GNG7: variants seen among roughly 807,000 people sequenced by gnomAD.
GNG7 encodes the protein G protein subunit gamma 7, also known as guanine nucleotide-binding protein G(I)/G(S)/G(O) subunit gamma-7.
In GNG7, 1 loss-of-function variant was observed where a neutral mutation model predicts 4.0. The ratio of observed to expected loss-of-function variants is 0.25; its 90% confidence interval spans 0.09 to 1.18. The LOEUF is 1.18. Ranked by LOEUF, GNG7 falls within the 50% of genes most tolerant of loss-of-function variation. The pLI is 0.50. For synonymous variants in GNG7, 34 were observed against 36.9 expected (o/e 0.92, Z 0.29); for missense variants, 86 against 91.9 (o/e 0.94, Z 0.26).
At chr19:2,676,861 G>C (rs1180714908) in intron 1 of GNG7, among the ~76,000 whole-genome samples, 1 of 152,144 alleles carries the variant, frequency 6.6e-6, no homozygotes, top group African/African-American at 2.4e-5. Context: ...GTGGCAGAGA[G>C]AAGCTGTTCA....
At chr19:2,619,233 G>A (rs1341740648) in intron 2 of GNG7, among the ~76,000 whole-genome samples, 1 of 152,216 alleles carries the variant, frequency 6.6e-6, no homozygotes, top group Non-Finnish European at 1.5e-5. Context: ...CCAGGGGTTA[G>A]CTAACTACGG....
intron 2 of GNG7, among the ~76,000 whole-genome samples, chr19:2,591,452 G>C (rs371048867): frequency 0.011 from 986 of 91,890 alleles, 6 homozygotes; most frequent in South Asian, 0.014. Flanking sequence ...GAAAATAAAG[G>C]GTTTTTTTTT....
intron 1 of GNG7, among the ~76,000 whole-genome samples, chr19:2,669,792 T>C (rs1983404031): frequency 6.6e-6 from 1 of 151,764 alleles, no homozygotes. Context: ...GGAGGATCAC[T>C]TGAGGCCAGG....
chr19:2,641,474 C>G (rs1410694404), intron 2 of GNG7, among the ~76,000 whole-genome samples: 4 of 151,588 alleles, frequency 2.6e-5, no homozygotes, highest in African/African-American at 4.9e-5. Context: ...CAAACAGAGA[C>G]TGGAAGAGGC....
chr19:2,589,283 C>T (rs62123678), intron 2 of GNG7, among the ~76,000 whole-genome samples: 11,471 of 150,384 alleles, frequency 0.076, 488 homozygotes, highest in East Asian at 0.16. Flanking sequence ...AGTGCAGTGG[C>T]GCGATATCAG....
At chr19:2,627,324 C>A (rs546885927) in intron 2 of GNG7, among the ~76,000 whole-genome samples, 1 of 152,174 alleles carries the variant, frequency 6.6e-6, no homozygotes, top group African/African-American at 2.4e-5. Flanking sequence ...CCCCAGAGAA[C>A]GATCCACCTC....
At position 2,553,707 on chromosome 19, in the gene GNG7, T is replaced by A. The variant is rs556894732; in HGVS notation, c.-38+1442A>T. 6.9e-4 allele frequency among the ~76,000 whole-genome samples: 90 copies of A among 130,770 alleles called. 2 individuals carry two copies. Among genetic ancestry groups the A allele is most frequent in the African/African-American group, 2.8e-3 (85 of 29,912 alleles). 85.8% of individuals were successfully genotyped at this position (130,770 alleles called of 152,430 possible). ...ATATTACACACATGTGCACATTACATATAATATATTACATATATGTACATA... is the reference window on the plus strand; with the variant it reads ...ATATTACACACATGTGCACATTACAAATAATATATTACATATATGTACATA... On this transcript the variant is annotated intron_variant, in intron 3 of 4. Transcript: ENST00000382159.
intron 1 of GNG7, among the ~76,000 whole-genome samples, chr19:2,650,612 G>A (rs1047319726): frequency 6.6e-6 from 1 of 152,178 alleles, no homozygotes; most frequent in African/African-American, 2.4e-5. Context: ...GGCGATCCCT[G>A]CGGATGCCCC....
At chr19:2,674,590 C>T (rs1983547770) in intron 1 of GNG7, among the ~76,000 whole-genome samples, 1 of 152,120 alleles carries the variant, frequency 6.6e-6, no homozygotes, top group Non-Finnish European at 1.5e-5. Flanking sequence ...CGCCCACAAC[C>T]ATGCCCGGCT....
In GNG7 at chr19:2,634,224, C is replaced by T. The variant is rs981068456; in HGVS notation, c.-78+12000G>A. ...AATAATGAACCCAGAGTTTCTCCCC[C>T]TCAGCACTGTGGACATTTGAGGCCC... is the stretch of plus-strand genomic sequence containing the variant. On this transcript the variant is annotated intron_variant, in intron 2 of 4. Coordinates refer to ENST00000382159, the MANE Select transcript of GNG7 (RefSeq NM_052847.3). This position sits in a 1 kb window ranked among gnomAD's most constrained non-coding sequence, Gnocchi z 5.3. Among the ~76,000 whole-genome samples, 2 of 152,190 alleles carry T rather than the reference C, an allele frequency of 1.3e-5. No individual in the cohort carries two copies. The highest frequency in any genetic ancestry group is 2.9e-5 in the Non-Finnish European group (2 of 68,038).
chr19:2,517,757 C>T (rs1035518818), intron 4 of GNG7, among the ~76,000 whole-genome samples: 2 of 152,240 alleles, frequency 1.3e-5, no homozygotes, highest in African/African-American at 4.8e-5. Context: ...GGCGACCCTC[C>T]CGCCTAGACC....
In GNG7 at chr19:2,514,914, T is replaced by A; in HGVS notation, c.*108A>T. 1 of 870,380 alleles carries A rather than the reference T, an allele frequency of 1.1e-6. No individual in the cohort carries two copies. The highest frequency in any genetic ancestry group is 1.8e-6 in the Non-Finnish European group (1 of 558,510). 53.9% of individuals were successfully genotyped at this position (870,380 alleles called of 1,614,324 possible). ...AATTAAAGGTTTTGGGGACTTGAGA[T>A]GTTTTGTTTGAGCTAATTACTGAAT... On this transcript the variant is annotated 3_prime_UTR_variant, in exon 5 of 5. Coordinates refer to ENST00000382159, the MANE Select transcript of GNG7 (RefSeq NM_052847.3).
At chr19:2,592,823 AGAGAGAGG>A (rs1980887510) in intron 2 of GNG7, among the ~76,000 whole-genome samples, 1 of 135,552 alleles carries the variant, frequency 7.4e-6, no homozygotes, top group Non-Finnish European at 1.6e-5. Flanking sequence ...AAAGAGAGAG[AGAGAGAGG>A]GAGGGAGGGA....
At chr19:2,538,993 G>A (rs1174213360) in intron 3 of GNG7, among the ~76,000 whole-genome samples, 4 of 152,016 alleles carry the variant, frequency 2.6e-5, no homozygotes, top group Non-Finnish European at 2.9e-5. Flanking sequence ...GGATGGTCTC[G>A]ATCTCCTGAC....
In GNG7 at chr19:2,514,213, AAAAAAATCC is replaced by A. The variant is rs1972694971; in HGVS notation, c.*800_*808del. On this transcript the variant is annotated 3_prime_UTR_variant, in exon 5 of 5. Coordinates refer to ENST00000382159, the MANE Select transcript of GNG7 (RefSeq NM_052847.3). ...ACTCCATCTCAAAAAAAGAAAAAAAAAAAAAATCCAAAAACATGATGGGCCGGGCCGGTG... is the reference window on the plus strand; with the variant it reads ...ACTCCATCTCAAAAAAAGAAAAAAAAAAAAACATGATGGGCCGGGCCGGTG... 6.6e-6 allele frequency: 1 copy of A among 152,448 alleles called. No homozygotes were observed. The highest frequency in any genetic ancestry group is 6.5e-5 in the Admixed American group (1 of 15,268). The allele number at this position is 152,448 out of a possible 1,614,324, so 9.4% of individuals were successfully genotyped here. A position where few individuals can be genotyped will look rare whatever the true frequency, so the allele number is the denominator to read the frequency against.
At chr19:2,694,236 T>G (rs565862603) in intron 1 of GNG7, among the ~76,000 whole-genome samples, 75 of 147,750 alleles carry the variant, frequency 5.1e-4, no homozygotes, top group East Asian at 3.0e-3. Flanking sequence ...TGCTTTTTTT[T>G]GGGGGGGGGC....
chr19:2,643,648 C>T (rs1982581478), intron 2 of GNG7: 1 of 455,732 alleles, frequency 2.2e-6, no homozygotes, highest in Non-Finnish European at 4.4e-6. Context: ...CTCTGCACAC[C>T]TTCCAGCCCT....
intron 2 of GNG7, among the ~76,000 whole-genome samples, chr19:2,601,857 T>TCATCACTGCACTTCAGCCTGGGC (rs1981208448): frequency 6.6e-6 from 1 of 151,626 alleles, no homozygotes; most frequent in Non-Finnish European, 1.5e-5. Flanking sequence ...AGTTATGATT[T>TCATCACTGCACTTCAGCCTGGGC]CATCACTGCA....
In GNG7 at chr19:2,654,554, TCCCCAAGAGACTGTGTCCCATGATC is replaced by T. The variant is rs1982913708; in HGVS notation, c.-134-8299_-134-8275del. ...CTCCTCAGTTAGGGGGTTCCACAGA[TCCCCAAGAGACTGTGTCCCATGATC>T]CTCCCCCTTGCTGAGGTCCCAGGAG... On this transcript the variant is annotated intron_variant, in intron 1 of 4. Coordinates refer to ENST00000382159, the MANE Select transcript of GNG7 (RefSeq NM_052847.3). Among the ~76,000 whole-genome samples the T allele has an allele frequency of 3.3e-5, 4 of 119,428 alleles. No homozygotes were observed. In the South Asian group the frequency reaches 1.1e-3, roughly 33 times the overall value. 78.3% of individuals were successfully genotyped at this position (119,428 alleles called of 152,430 possible).
Sources: gnomAD v4.1 joint callset for allele counts (sites outside exome capture counted in the v4.1 genomes callset) on GRCh38, gnomAD v4.1.1 for gene constraint, Gnocchi (gnomAD v3.1) non-coding constraint, MANE v1.5 for transcripts, NCBI Gene and HGNC (gene_info 2026-07-23, HGNC 2026-07-21) for gene names.